The following PATJ variants were observed in gnomAD, a reference collection of about 807,000 sequenced individuals.
PATJ encodes the protein inaD-like protein.
PATJ carries 190 observed loss-of-function variants against 224.9 expected under a neutral mutation model. The ratio of observed to expected loss-of-function variants is 0.84; its 90% CI spans 0.75 to 0.95. PATJ has a LOEUF of 0.95. Among genes scored for constraint, PATJ ranks in the 40% least tolerant of loss-of-function variants. The pLI, the probability that PATJ is intolerant of heterozygous loss-of-function variation, is 0.00. For missense variants in PATJ, 2,121 were observed against 2,270.3 expected (o/e 0.93, Z 1.34); for synonymous variants, 769 against 820.3 (o/e 0.94, Z 1.07).
chr1:62,082,591 A>G (rs1659420648), intron 32 of PATJ, among the ~76,000 whole-genome samples: 1 of 152,030 alleles, frequency 6.6e-6, no homozygotes, highest in Non-Finnish European at 1.5e-5. Flanking sequence ...ATAAAGAAGT[A>G]GATTGTAAAT....
chr1:61,783,264 G>T (rs1011833762), intron 7 of PATJ, among the ~76,000 whole-genome samples: 1 of 152,192 alleles, frequency 6.6e-6, no homozygotes, highest in Non-Finnish European at 1.5e-5. Context: ...TAGGGAAACA[G>T]TGTATTTTAT....
Position 62,069,367 on chromosome 1 carries a change from T to A in PATJ, c.4126-10083T>A, listed in dbSNP as rs140872818. 5.4e-3 allele frequency among the ~76,000 whole-genome samples: 811 copies of A among 151,144 alleles called. 4 individuals carry two copies. The highest frequency in any genetic ancestry group is 8.8e-3 in the Non-Finnish European group (597 of 67,704). ...ATATAATTATACCTCAATTATATTA[T>A]AAGAGCAATAATTATAAGAGCAATA... On this transcript the variant is annotated intron_variant, in intron 31 of 43. Coordinates refer to ENST00000642238, the MANE Select transcript of PATJ (RefSeq NM_001350145.3).
chr1:61,855,615 A>G (rs537790576), intron 17 of PATJ, among the ~76,000 whole-genome samples: 1 of 152,200 alleles, frequency 6.6e-6, no homozygotes, highest in South Asian at 2.1e-4. Flanking sequence ...GGATTTCGTC[A>G]TGTTGTCCAG....
chr1:61,900,147 C>T (rs961388592), intron 23 of PATJ, among the ~76,000 whole-genome samples: 1 of 152,162 alleles, frequency 6.6e-6, no homozygotes, highest in Admixed American at 6.5e-5. Context: ...GTTTTAAGTC[C>T]TCACCAGGGC....
chr1:62,006,039 A>G (rs17386553), intron 28 of PATJ, among the ~76,000 whole-genome samples: 22,292 of 152,148 alleles, frequency 0.15, 2,031 homozygotes, highest in Non-Finnish European at 0.21. Context: ...TTTACTTCCA[A>G]TTTGGCAGGG....
chr1:61,791,154 G>A (rs1649771448), intron 8 of PATJ, among the ~76,000 whole-genome samples, 194 bp from the exon 9 acceptor site: 2 of 152,138 alleles, frequency 1.3e-5, no homozygotes, highest in Admixed American at 1.3e-4. Flanking sequence ...AGGCCCACTT[G>A]GATAGTCTCC....
chr1:61,781,227 T>C (rs1425247718), intron 7 of PATJ, among the ~76,000 whole-genome samples: 1 of 152,144 alleles, frequency 6.6e-6, no homozygotes, highest in Non-Finnish European at 1.5e-5. Context: ...CTGTGCACAA[T>C]TGTTCACATC....
chr1:62,071,209 T>G (rs1657332847), intron 31 of PATJ, among the ~76,000 whole-genome samples: 1 of 152,218 alleles, frequency 6.6e-6, no homozygotes, highest in Non-Finnish European at 1.5e-5. Flanking sequence ...TCCAAGACTC[T>G]TAGCACCGTG....
At chr1:61,755,590 A>T (rs1645593146) in intron 1 of PATJ, among the ~76,000 whole-genome samples, 1 of 152,248 alleles carries the variant, frequency 6.6e-6, no homozygotes, top group African/African-American at 2.4e-5. Flanking sequence ...AAAGCCTTTA[A>T]TTATTTCCTG....
chr1:61,877,578 G>A (rs1189802479), intron 21 of PATJ, among the ~76,000 whole-genome samples: 1 of 151,984 alleles, frequency 6.6e-6, no homozygotes, highest in Non-Finnish European at 1.5e-5. Flanking sequence ...GTTTAAAAGT[G>A]TGTGGCACTT....
intron 30 of PATJ, among the ~76,000 whole-genome samples, chr1:62,042,009 AAATAAT>A (rs1005863691): frequency 1.3e-5 from 2 of 152,014 alleles, no homozygotes; most frequent in Non-Finnish European, 2.9e-5. Context: ...GTAAATAAAT[AAATAAT>A]AATAATAAGA....
intron 24 of PATJ, among the ~76,000 whole-genome samples, chr1:61,904,417 G>A (rs547555140): frequency 6.6e-5 from 10 of 152,028 alleles, no homozygotes; most frequent in African/African-American, 1.9e-4. Flanking sequence ...ATTGACATTG[G>A]CTCAATCCGT....
intron 30 of PATJ, among the ~76,000 whole-genome samples, chr1:62,050,346 A>T (rs1653380370): frequency 6.6e-6 from 1 of 152,216 alleles, no homozygotes. Context: ...TAGCTCTCAC[A>T]GAAGGTGGTT....
chr1:61,947,287 T>G (rs1315829095), intron 27 of PATJ, among the ~76,000 whole-genome samples: 1 of 152,212 alleles, frequency 6.6e-6, no homozygotes, highest in African/African-American at 2.4e-5. Context: ...TGTCCCTGTT[T>G]GCAGATGACA....
At chr1:61,869,244 C>T (rs911225689) in intron 20 of PATJ, among the ~76,000 whole-genome samples, 1 of 148,866 alleles carries the variant, frequency 6.7e-6, no homozygotes, top group Non-Finnish European at 1.5e-5. Flanking sequence ...GTAGCTGGGA[C>T]TACAGGCGCC....
rs549166509 is a variant in PATJ, at chr1:62,076,832, T to C, written c.4126-2618T>C. On this transcript the variant is annotated intron_variant, in intron 31 of 43. Coordinates refer to ENST00000642238, the MANE Select transcript of PATJ (RefSeq NM_001350145.3). ...CACCCAGCTTTGTTGGGAATCCATG[T>C]TCTTTCTTGAGGTGATATAAAATGT... Among the ~76,000 whole-genome samples, 25 of 152,298 alleles carry C rather than the reference T, an allele frequency of 1.6e-4. No individual in the cohort carries two copies. The South Asian group carries it at 4.8e-3, about 29-fold the overall frequency.
Position 61,762,905 on chromosome 1 carries a change from C to A in PATJ, c.13C>A (p.Pro5Thr). The A allele has an allele frequency of 1.3e-6, 2 of 1,548,314 alleles. No homozygotes were observed. The highest frequency in any genetic ancestry group is 1.8e-6 in the Non-Finnish European group (2 of 1,135,954). The change falls in exon 2 of 44, where the codon CCT becomes ACT. Residue 5 changes from proline to threonine, a missense_variant. Pro to Thr is a conservative substitution (Grantham distance 38, BLOSUM62 -1). Transcript: ENST00000642238. MPEN[P>T]ATDKLQVLQV... The stretch of plus-strand genomic sequence containing the variant: ...AGAATAATTCAAAATGCCTGAAAAT[C>A]CTGCTACAGGTATACTGGATATATT...
intron 9 of PATJ, 85 bp from the exon 10 acceptor site, chr1:61,795,382 A>G (rs1570541206): frequency 7.4e-6 from 5 of 675,140 alleles, no homozygotes; most frequent in Admixed American, 2.5e-5. Context: ...CAACCCCGTT[A>G]GCTAATTAAC....
intron 25 of PATJ, among the ~76,000 whole-genome samples, chr1:61,912,868 T>C (rs2149223842): frequency 6.6e-6 from 1 of 152,244 alleles, no homozygotes; most frequent in African/African-American, 2.4e-5. Flanking sequence ...GGAGGCAAAG[T>C]GTTTTGTTTA....
Sources: allele counts gnomAD v4.1 joint callset (sites outside exome capture counted in the v4.1 genomes callset), GRCh38; gene constraint gnomAD v4.1.1; transcripts MANE v1.5; gene names NCBI Gene and HGNC (gene_info 2026-07-23, HGNC 2026-07-21).